ELP3: variants seen among roughly 807,000 people sequenced by gnomAD.
The protein encoded by ELP3 is elongator acetyltransferase complex subunit 3.
A neutral mutation model predicts 74.9 loss-of-function variants in ELP3; 56 were observed. The observed-to-expected ratio is 0.75, with a 90% CI of 0.60 to 0.93. The LOEUF (loss-of-function observed/expected upper bound fraction) is 0.93. Among genes scored for constraint, ELP3 ranks in the 40% least tolerant of loss-of-function variants. The pLI, the probability that ELP3 is intolerant of heterozygous loss-of-function variation, is 0.00. For missense variants in ELP3, 573 were observed against 686.5 expected (o/e 0.83, Z 1.85); for synonymous variants, 222 against 239.8 (o/e 0.93, Z 0.68).
intron 14 of ELP3, among the ~76,000 whole-genome samples, chr8:28,184,253 C>A (rs1445852076): frequency 1.3e-5 from 2 of 152,212 alleles, no homozygotes; most frequent in African/African-American, 2.4e-5. Context: ...AAGTTCCCTT[C>A]CCTGGATGCC....
chr8:28,117,207 T>C (rs1002421306), intron 7 of ELP3, among the ~76,000 whole-genome samples: 4 of 152,150 alleles, frequency 2.6e-5, no homozygotes, highest in African/African-American at 9.7e-5. Context: ...TCCCCTGAGG[T>C]ATATGAAGCA....
intron 9 of ELP3, 50 bp from the exon 10 acceptor site, chr8:28,137,648 T>G (rs752106195): frequency 2.6e-6 from 4 of 1,567,564 alleles, no homozygotes; most frequent in Admixed American, 3.8e-5. Context: ...TCACCCTCGG[T>G]GATCTCTGCA....
At chr8:28,091,198 G>A (rs969539526), upstream of ELP3, among the ~76,000 whole-genome samples, 2 of 151,978 alleles carry the variant, frequency 1.3e-5, no homozygotes, top group East Asian at 1.9e-4. Flanking sequence ...GAGCCACCGC[G>A]CCCGGCCGTA....
upstream of ELP3, among the ~76,000 whole-genome samples, chr8:28,091,805 T>A (rs986764356): frequency 6.6e-6 from 1 of 152,178 alleles, no homozygotes; most frequent in African/African-American, 2.4e-5. Flanking sequence ...ACATAAGTTA[T>A]CATGGAATCT....
At position 28,160,398 on chromosome 8, in the gene ELP3, A is replaced by G. The variant is rs762731152; in HGVS notation, c.1427A>G (p.His476Arg). The G allele has an allele frequency of 5.6e-6, 9 of 1,614,176 alleles. No individual in the cohort carries two copies. The highest frequency in any genetic ancestry group is 7.6e-6 in the Non-Finnish European group (9 of 1,180,030). ...GGGVSIVREL[H>R]VYGSVVPVSS... ...GGTGTCTCCATAGTACGAGAGCTGC[A>G]TGTGTATGGGAGTGTGGTCCCTGTG... Residue 476 changes from histidine (H) to arginine (R), a missense_variant, in exon 13 of 15, where the codon CAT (histidine) becomes CGT (arginine). His to Arg is a conservative substitution (Grantham distance 29). Coordinates refer to ENST00000256398, the MANE Select transcript of ELP3 (RefSeq NM_018091.6).
intron 14 of ELP3, among the ~76,000 whole-genome samples, chr8:28,176,409 T>G (rs1227204811): frequency 2.0e-5 from 3 of 152,116 alleles, no homozygotes; most frequent in Non-Finnish European, 4.4e-5. Flanking sequence ...GAGGACTAGG[T>G]CCTTATTGCC....
chr8:28,098,456 AC>A (rs1811344246), intron 2 of ELP3, among the ~76,000 whole-genome samples: 1 of 152,186 alleles, frequency 6.6e-6, no homozygotes, highest in Admixed American at 6.5e-5. Flanking sequence ...TGATTTTTCT[AC>A]CGTGTCTTTA....
chr8:28,145,903 C>T (rs1813414099), intron 10 of ELP3, among the ~76,000 whole-genome samples: 7 of 152,176 alleles, frequency 4.6e-5, no homozygotes, highest in Admixed American at 4.6e-4. Flanking sequence ...GGATTACAGG[C>T]GTGAGCCACC....
chr8:28,157,694 G>C (rs1813885164), intron 11 of ELP3, among the ~76,000 whole-genome samples: 1 of 152,048 alleles, frequency 6.6e-6, no homozygotes, highest in Admixed American at 6.6e-5. Context: ...TTTATGGTTT[G>C]TTCTATGGGG....
chr8:28,177,144 G>A (rs1347940009), intron 14 of ELP3, among the ~76,000 whole-genome samples: 2 of 152,186 alleles, frequency 1.3e-5, no homozygotes, highest in Non-Finnish European at 2.9e-5. Flanking sequence ...TATTTCCACA[G>A]TGATGGAGAA....
At chr8:28,126,324 C>A (rs1208921911) in intron 7 of ELP3, among the ~76,000 whole-genome samples, 1 of 152,160 alleles carries the variant, frequency 6.6e-6, no homozygotes, top group African/African-American at 2.4e-5. Flanking sequence ...CTCTTCACCC[C>A]TGCTCCACAA....
intron 14 of ELP3, among the ~76,000 whole-genome samples, chr8:28,177,388 AAAT>A (rs770579143): frequency 2.3e-4 from 35 of 152,272 alleles, no homozygotes; most frequent in Non-Finnish European, 4.6e-4. Flanking sequence ...GATCAATGAG[AAAT>A]AATAAAGTCT....
chr8:28,163,205 G>T (rs1267128499), intron 14 of ELP3, among the ~76,000 whole-genome samples: 10 of 152,156 alleles, frequency 6.6e-5, no homozygotes, highest in Admixed American at 6.5e-4. Context: ...TATCCTTACA[G>T]AAATCGCTGT....
intron 7 of ELP3, among the ~76,000 whole-genome samples, chr8:28,115,766 T>C (rs1370777985): frequency 6.6e-6 from 1 of 152,176 alleles, no homozygotes; most frequent in African/African-American, 2.4e-5. Context: ...GGTGTCAGAA[T>C]GTGAGTGTGT....
intron 10 of ELP3, among the ~76,000 whole-genome samples, chr8:28,139,204 G>A (rs1036405893): frequency 6.6e-6 from 1 of 152,178 alleles, no homozygotes; most frequent in African/African-American, 2.4e-5. Context: ...GGGTGGGTTG[G>A]GGGTATATGC....
chr8:28,188,735 G>A (rs1016893338), intron 14 of ELP3, among the ~76,000 whole-genome samples: 9 of 152,176 alleles, frequency 5.9e-5, no homozygotes, highest in African/African-American at 1.2e-4. Context: ...ACTGGTAAAC[G>A]TAAGTAAATG....
intron 14 of ELP3, among the ~76,000 whole-genome samples, chr8:28,187,267 C>T (rs1033511774): frequency 2.6e-5 from 4 of 152,206 alleles, no homozygotes; most frequent in African/African-American, 9.7e-5. Flanking sequence ...GGATTATTGT[C>T]ATCGCTTCCT....
At chr8:28,166,920 G>A (rs1470081056) in intron 14 of ELP3, among the ~76,000 whole-genome samples, 5 of 152,276 alleles carry the variant, frequency 3.3e-5, no homozygotes, top group South Asian at 2.1e-4. Context: ...CCCCAAGCTC[G>A]TCTGACTACC....
intron 10 of ELP3, among the ~76,000 whole-genome samples, chr8:28,155,738 G>A (rs1813799539): frequency 6.6e-6 from 1 of 152,248 alleles, no homozygotes; most frequent in African/African-American, 2.4e-5. Flanking sequence ...CTGAAGGTCA[G>A]GGGAAATCAT....
Sources: gnomAD v4.1 joint callset for allele counts (sites outside exome capture counted in the v4.1 genomes callset) on GRCh38, gnomAD v4.1.1 for gene constraint, MANE v1.5 for transcripts, NCBI Gene and HGNC (gene_info 2026-07-23, HGNC 2026-07-21) for gene names.